TRPM2: variants seen among roughly 807,000 people sequenced by gnomAD.
TRPM2 encodes estrogen-responsive element-associated gene 1 protein.
In TRPM2, 161 loss-of-function variants were observed where a neutral mutation model predicts 174.0. The observed-to-expected ratio is 0.93, with a 90% CI of 0.81 to 1.05. TRPM2 has a LOEUF of 1.05. Ranked by LOEUF, TRPM2 falls within the 50% of genes least tolerant of loss-of-function variation. TRPM2 has a pLI of 0.00. For synonymous variants in TRPM2, 954 were observed against 861.3 expected, an observed-to-expected ratio of 1.11 and a Z score of -1.88; for missense variants, 2,057 against 2,038.0, an observed-to-expected ratio of 1.01 and a Z score of -0.18.
intron 9 of TRPM2, among the ~76,000 whole-genome samples, chr21:44,387,461 G>A (rs572184836): frequency 4.7e-4 from 72 of 152,128 alleles, no homozygotes; most frequent in Non-Finnish European, 8.7e-4. Context: ...AAAGCACAGG[G>A]CAAAAACTTC....
At chr21:44,418,391 A>G in intron 21 of TRPM2, 32 bp from the exon 22 acceptor site, 1 of 1,608,156 alleles carries the variant, frequency 6.2e-7, no homozygotes, top group South Asian at 1.1e-5. Flanking sequence ...TGAGGATTCC[A>G]GGTCCCCTGG....
chr21:44,415,838 C>T (rs11909744), intron 20 of TRPM2: 253 of 152,260 alleles, frequency 1.7e-3, no homozygotes, highest in African/African-American at 5.7e-3. Context: ...TCTGATCAGC[C>T]GCAGCAGCTG....
chr21:44,408,104 C>T (rs2049967979), intron 19 of TRPM2, among the ~76,000 whole-genome samples: 1 of 151,822 alleles, frequency 6.6e-6, no homozygotes, highest in Admixed American at 6.6e-5. Context: ...TGCTACCACG[C>T]TTGGCTAATT....
chr21:44,441,809 C>T lies in TRPM2; in HGVS notation c.4504C>T (p.His1502Tyr), dbSNP rs751936328. The change falls in exon 32 of 32, where the codon CAC becomes TAC. Residue 1502 changes from histidine (H) to tyrosine (Y), a missense_variant. Physicochemically the swap from His to Tyr is moderately conservative, Grantham distance 83. Transcript: ENST00000397928. ...LQKAAAEFGAHY is the reference protein window; with the variant it reads ...LQKAAAEFGAYY The stretch of plus-strand genomic sequence containing the variant: ...GAAGGCAGCCGCTGAGTTCGGGGCT[C>T]ACTACTGACTGTGCCCTCAGGCTGG... 1.4e-5 allele frequency: 23 copies of T among 1,606,532 alleles called. No homozygotes were observed. The highest frequency in any genetic ancestry group is 2.0e-5 in the Non-Finnish European group (23 of 1,176,472).
Position 44,364,275 on chromosome 21 carries a change from T to C in TRPM2, c.416T>C (p.Val139Ala). 1 of 1,613,744 alleles carries C rather than the reference T, an allele frequency of 6.2e-7. No homozygotes were observed. The change falls in exon 3 of 32, where the codon GTG (valine) becomes GCG (alanine). Residue 139 changes from valine (V) to alanine (A), a missense_variant. Val to Ala is a moderately conservative substitution (Grantham distance 64). Transcript: ENST00000397928. The stretch of plus-strand genomic sequence containing the variant: ...GTCTTCACGGGCCTGAGCCAGAAGG[T>C]GAAAAAGGTTGGTTTCCATCACTCT... ...DIVFTGLSQKVKKYVRVSQDT... is the reference protein window; with the variant it reads ...DIVFTGLSQKAKKYVRVSQDT...
chr21:44,353,519 G>T, upstream of TRPM2: 1 of 789,886 alleles, frequency 1.3e-6, no homozygotes, highest in Non-Finnish European at 1.8e-6. Context: ...AAGAGAACCG[G>T]ATGAGGGCTT....
chr21:44,382,640 G>T (rs34214578), intron 8 of TRPM2, 78 bp from the exon 9 acceptor site: 17,821 of 1,404,676 alleles, frequency 0.013, 159 homozygotes, highest in Non-Finnish European at 0.015. Context: ...TGTGTCCGGG[G>T]CCTCAATTCT....
At chr21:44,371,252 GCCT>G (rs1236301059) in intron 5 of TRPM2, among the ~76,000 whole-genome samples, 11 of 150,404 alleles carry the variant, frequency 7.3e-5, no homozygotes, top group Non-Finnish European at 1.6e-4. Flanking sequence ...TCCAGTCTCT[GCCT>G]CCGTGTCCCG....
At chr21:44,370,499 G>C (rs1046372847) in intron 5 of TRPM2, among the ~76,000 whole-genome samples, 1 of 152,190 alleles carries the variant, frequency 6.6e-6, no homozygotes. Flanking sequence ...GGTATGATGC[G>C]TGTGTGCCCC....
chr21:44,399,492 G>A lies in TRPM2; in HGVS notation c.2208+51G>A. On this transcript the variant is annotated intron_variant, in intron 14 of 31. Coordinates refer to ENST00000397928, the MANE Select transcript of TRPM2 (RefSeq NM_003307.4). This position sits in a 1 kb window ranked among gnomAD's most constrained non-coding sequence, Gnocchi z 4.6. Reference sequence around the variant, plus strand: ...AAACAGACGCCTGTGGTGCCTGCAGGGCGGACACAGCCTCCTGTTCGTGCA... The same window carrying A: ...AAACAGACGCCTGTGGTGCCTGCAGAGCGGACACAGCCTCCTGTTCGTGCA... 1 of 1,570,174 alleles carries A rather than the reference G, an allele frequency of 6.4e-7. No individual in the cohort carries two copies. Among genetic ancestry groups the A allele is most frequent in the Non-Finnish European group, 8.6e-7 (1 of 1,157,252 alleles).
intron 12 of TRPM2, among the ~76,000 whole-genome samples, chr21:44,396,574 A>AG (rs1387078804): frequency 6.1e-5 from 1 of 16,320 alleles, no homozygotes. Flanking sequence ...AGGGGTGTGG[A>AG]GGCTGTGGAG....
Position 44,376,271 on chromosome 21 carries a change from C to T in TRPM2, c.952+258C>T, listed in dbSNP as rs1217326086. On this transcript the variant is annotated intron_variant, in intron 6 of 31. Transcript: ENST00000397928. The surrounding 1 kb of genome is among the most constrained non-coding windows in gnomAD (Gnocchi z 4.2). ...CATGGTACTCGGAACGTCCTCAGAACACACCTGGGTTTCTTTCCCGTGTCT... is the reference window on the plus strand; with the variant it reads ...CATGGTACTCGGAACGTCCTCAGAATACACCTGGGTTTCTTTCCCGTGTCT... Among the ~76,000 whole-genome samples the T allele has an allele frequency of 1.3e-5, 2 of 152,338 alleles. No homozygotes were observed. The highest frequency in any genetic ancestry group is 1.9e-4 in the East Asian group (1 of 5,188).
At chr21:44,384,613 A>G (rs1401584430) in intron 9 of TRPM2, among the ~76,000 whole-genome samples, 3 of 152,198 alleles carry the variant, frequency 2.0e-5, no homozygotes, top group African/African-American at 7.2e-5. Flanking sequence ...GATCACCTCT[A>G]TTAGGCCCCA....
At chr21:44,437,225 A>G in intron 29 of TRPM2, 58 bp downstream of exon 29, 5 of 1,467,026 alleles carry the variant, frequency 3.4e-6, no homozygotes, top group Non-Finnish European at 4.6e-6. Context: ...TCACTCGTCC[A>G]TTCATCCATT....
chr21:44,403,641 A>G (rs1292907490), intron 16 of TRPM2, among the ~76,000 whole-genome samples: 1 of 151,586 alleles, frequency 6.6e-6, no homozygotes, highest in Non-Finnish European at 1.5e-5. Flanking sequence ...ATGTATACAC[A>G]CATGCACACA....
chr21:44,405,140 A>G lies in TRPM2; in HGVS notation c.2539-2A>G. On this transcript the variant is annotated splice_acceptor_variant, in intron 16 of 31. Transcript: ENST00000397928. LOFTEE classifies it high-confidence loss of function. Reference sequence around the variant, plus strand: ...CCTTCCTACCGCCCCTCTTCCCAGTAGCTCTTCTATGACCCTGACGAGTGC... The same window carrying G: ...CCTTCCTACCGCCCCTCTTCCCAGTGGCTCTTCTATGACCCTGACGAGTGC... The G allele has an allele frequency of 6.2e-7, 1 of 1,613,280 alleles. No individual in the cohort carries two copies.
rs1885276046 is a variant in TRPM2 at position 44,439,460 on chromosome 21, C to T, written c.4269+292C>T. On this transcript the variant is annotated intron_variant, in intron 30 of 31. Transcript: ENST00000397928. This position sits in a 1 kb window ranked among gnomAD's most constrained non-coding sequence, Gnocchi z 5.1. ...GGACCCTTGCTGCCTTCGAGTGTGA[C>T]AGCTGCTTGGAGGCCTGGTGCCGCC... 6.6e-6 allele frequency among the ~76,000 whole-genome samples: 1 copy of T among 152,156 alleles called. No homozygotes were observed. Among genetic ancestry groups the T allele is most frequent in the Non-Finnish European group, 1.5e-5 (1 of 68,026 alleles).
intron 12 of TRPM2, among the ~76,000 whole-genome samples, chr21:44,397,169 A>C: frequency 6.6e-6 from 1 of 151,902 alleles, no homozygotes; most frequent in Non-Finnish European, 1.5e-5. Flanking sequence ...CTCCTGAGTA[A>C]CTAGAACAAC....
At chr21:44,418,361 G>A in intron 21 of TRPM2, 62 bp from the exon 22 acceptor site, 4 of 1,590,816 alleles carry the variant, frequency 2.5e-6, no homozygotes, top group Non-Finnish European at 3.4e-6. Flanking sequence ...CGGTGGGTCA[G>A]GGCTTCAGGG....
Sources: gnomAD v4.1 joint callset for allele counts (sites outside exome capture counted in the v4.1 genomes callset) on GRCh38, gnomAD v4.1.1 for gene constraint, Gnocchi (gnomAD v3.1) non-coding constraint, MANE v1.5 for transcripts, NCBI Gene and HGNC (gene_info 2026-07-23, HGNC 2026-07-21) for gene names.